CSMD3: variants seen among roughly 807,000 people sequenced by gnomAD.
CSMD3 encodes CUB and sushi domain-containing protein 3.
In CSMD3, 177 loss-of-function variants were observed where a neutral mutation model predicts 435.2. That is an observed-to-expected ratio of 0.41 (90% CI 0.36 to 0.46). The LOEUF (loss-of-function observed/expected upper bound fraction) is 0.46. Ranked by LOEUF, CSMD3 falls within the 20% of genes least tolerant of loss-of-function variation. CSMD3 has a pLI of 0.34. For synonymous variants in CSMD3, 1,656 were observed against 1,520.5 expected (o/e 1.09, Z -2.07); for missense variants, 4,265 against 4,504.6 (o/e 0.95, Z 1.52).
chr8:112,566,596 G>GAGC (rs1829082013), intron 24 of CSMD3, among the ~76,000 whole-genome samples: 1 of 152,026 alleles, frequency 6.6e-6, no homozygotes, highest in African/African-American at 2.4e-5. Flanking sequence ...TTCTAACAAA[G>GAGC]AGCAGCTTAT....
At chr8:112,815,055 C>T (rs1333798886) in intron 12 of CSMD3, among the ~76,000 whole-genome samples, 10 of 149,916 alleles carry the variant, frequency 6.7e-5, no homozygotes, top group African/African-American at 1.5e-4. Context: ...TTGAAGTACA[C>T]GAAATTCACT....
At chr8:113,365,468 T>C (rs541379412) in intron 1 of CSMD3, among the ~76,000 whole-genome samples, 1 of 152,188 alleles carries the variant, frequency 6.6e-6, no homozygotes, top group African/African-American at 2.4e-5. Context: ...AAATTTCAGT[T>C]TTACCTCATT....
At position 112,920,937 on chromosome 8, in the gene CSMD3, A is replaced by G. The variant is rs193219644; in HGVS notation, c.1633+690T>C. Among the ~76,000 whole-genome samples, 657 of 150,094 alleles carry G rather than the reference A, an allele frequency of 4.4e-3. 3 individuals are homozygous for G. The highest frequency in any genetic ancestry group is 0.013 in the African/African-American group (527 of 40,904). ...TATATATACACACACACACACACAC[A>G]CACGCACATATACACATACTGGTAT... is the stretch of plus-strand genomic sequence containing the variant. On this transcript the variant is annotated intron_variant, in intron 10 of 70. Coordinates refer to ENST00000297405, the MANE Select transcript of CSMD3 (RefSeq NM_198123.2).
intron 32 of CSMD3, among the ~76,000 whole-genome samples, chr8:112,461,191 G>C (rs1817410352): frequency 6.6e-6 from 1 of 152,108 alleles, no homozygotes; most frequent in Non-Finnish European, 1.5e-5. Context: ...TAAAACATCA[G>C]TGGGATAGTG....
At chr8:112,685,773 A>G (rs1172461000) in intron 14 of CSMD3, 41 bp from the exon 15 acceptor site, 1 of 1,208,282 alleles carries the variant, frequency 8.3e-7, no homozygotes, top group Middle Eastern at 2.0e-4. Flanking sequence ...TAAATATTCA[A>G]AAATAATATT....
intron 38 of CSMD3, among the ~76,000 whole-genome samples, chr8:112,358,270 T>C (rs1826836303): frequency 6.6e-6 from 1 of 152,208 alleles, no homozygotes; most frequent in South Asian, 2.1e-4. Flanking sequence ...GGAAGTAAAC[T>C]GCTTTTGATT....
chr8:113,087,668 A>C (rs1204729659), intron 5 of CSMD3, among the ~76,000 whole-genome samples: 1 of 151,942 alleles, frequency 6.6e-6, no homozygotes, highest in Non-Finnish European at 1.5e-5. Flanking sequence ...TAGAAAGCTG[A>C]AACTGGATCC....
chr8:112,617,300 C>T (rs1167014959), intron 22 of CSMD3, among the ~76,000 whole-genome samples: 1 of 152,098 alleles, frequency 6.6e-6, no homozygotes, highest in African/African-American at 2.4e-5. Context: ...TAACTTTTTT[C>T]TTATTTGGGC....
chr8:112,837,208 T>C (rs888973034), intron 11 of CSMD3, among the ~76,000 whole-genome samples: 2 of 151,838 alleles, frequency 1.3e-5, no homozygotes, highest in African/African-American at 2.4e-5. Flanking sequence ...TTGTATTTCA[T>C]GGTAAAGTCT....
At chr8:113,285,119 T>C (rs2093636733) in intron 2 of CSMD3, among the ~76,000 whole-genome samples, 1 of 152,224 alleles carries the variant, frequency 6.6e-6, no homozygotes, top group African/African-American at 2.4e-5. Flanking sequence ...GTAGGTTTCT[T>C]AACAAGTATT....
At chr8:112,719,438 T>C (rs953940473) in intron 13 of CSMD3, among the ~76,000 whole-genome samples, 2 of 152,180 alleles carry the variant, frequency 1.3e-5, no homozygotes, top group African/African-American at 4.8e-5. Context: ...CTCACAATTC[T>C]GGAGGCTGAG....
intron 3 of CSMD3, among the ~76,000 whole-genome samples, chr8:113,189,461 A>G (rs1195493053): frequency 6.6e-6 from 1 of 151,740 alleles, no homozygotes; most frequent in Non-Finnish European, 1.5e-5. Flanking sequence ...TGAGAACTGG[A>G]GTTATTAGGA....
intron 28 of CSMD3, among the ~76,000 whole-genome samples, chr8:112,514,026 A>G (rs955950960): frequency 6.6e-6 from 1 of 152,078 alleles, no homozygotes; most frequent in African/African-American, 2.4e-5. Flanking sequence ...TAGATATAAG[A>G]TTCTCTAAAA....
intron 16 of CSMD3, among the ~76,000 whole-genome samples, chr8:112,676,078 A>G (rs1236340054): frequency 6.6e-6 from 1 of 152,148 alleles, no homozygotes; most frequent in East Asian, 1.9e-4. Context: ...AAAGTGAGTG[A>G]CAACAGCAGG....
chr8:112,520,248 G>T (rs755391783), intron 27 of CSMD3, among the ~76,000 whole-genome samples: 25 of 152,044 alleles, frequency 1.6e-4, no homozygotes, highest in Admixed American at 3.9e-4. Flanking sequence ...CATATAGCAT[G>T]CAAAGCACTT....
intron 1 of CSMD3, among the ~76,000 whole-genome samples, chr8:113,362,564 GA>G (rs1169022122): frequency 1.3e-5 from 2 of 152,112 alleles, no homozygotes; most frequent in East Asian, 1.9e-4. Context: ...ATATTTTAAT[GA>G]AAACTTTTAA....
chr8:112,580,848 A>G (rs1310927078), intron 23 of CSMD3, among the ~76,000 whole-genome samples: 1 of 152,090 alleles, frequency 6.6e-6, no homozygotes, highest in Admixed American at 6.6e-5. Flanking sequence ...GACAACTTGA[A>G]GTCTTGATGC....
chr8:112,434,667 C>T (rs1361295688), intron 32 of CSMD3, among the ~76,000 whole-genome samples: 1 of 152,082 alleles, frequency 6.6e-6, no homozygotes, highest in Non-Finnish European at 1.5e-5. Flanking sequence ...GTTAACAAAG[C>T]TCCTACCTCG....
intron 1 of CSMD3, among the ~76,000 whole-genome samples, chr8:113,369,564 A>G (rs1276767224): frequency 1.3e-5 from 2 of 151,990 alleles, no homozygotes; most frequent in Non-Finnish European, 2.9e-5. Flanking sequence ...GTATATATCA[A>G]AATGAAATTA....
Sources: gnomAD v4.1 joint callset for allele counts (sites outside exome capture counted in the v4.1 genomes callset) on GRCh38, gnomAD v4.1.1 for gene constraint, MANE v1.5 for transcripts, NCBI Gene and HGNC (gene_info 2026-07-23, HGNC 2026-07-21) for gene names.